TMEM131L: variants seen among roughly 807,000 people sequenced by gnomAD.
TMEM131L encodes the protein transmembrane 131 like, also known as transmembrane protein 131-like.
In TMEM131L, 54 loss-of-function variants were observed where a neutral mutation model predicts 192.2. The observed-to-expected ratio is 0.28, with a 90% CI of 0.23 to 0.35. The LOEUF (loss-of-function observed/expected upper bound fraction) is 0.35, where lower values mean the gene tolerates loss of function less well. Ranked by LOEUF, TMEM131L falls within the 10% of genes least tolerant of loss-of-function variation. TMEM131L has a pLI of 1.00. For synonymous variants in TMEM131L, 701 were observed against 704.9 expected (o/e 0.99, Z 0.09); for missense variants, 1,888 against 1,972.9 (o/e 0.96, Z 0.82).
At chr4:153,504,975 G>T (rs181042998) in intron 3 of TMEM131L, among the ~76,000 whole-genome samples, 110 of 152,272 alleles carry the variant, frequency 7.2e-4, no homozygotes, top group Non-Finnish European at 1.3e-3. Flanking sequence ...GGCTAGGAGC[G>T]AACTGTGGGG....
chr4:153,578,919 A>T (rs113859951), intron 7 of TMEM131L, among the ~76,000 whole-genome samples: 10,377 of 151,890 alleles, frequency 0.068, 1,028 homozygotes, highest in African/African-American at 0.22. Context: ...CGGCCTCCCA[A>T]AGTGCTGGGA....
chr4:153,512,765 C>T (rs748828152), intron 3 of TMEM131L, among the ~76,000 whole-genome samples: 11 of 152,174 alleles, frequency 7.2e-5, no homozygotes, highest in Non-Finnish European at 1.3e-4. Context: ...AGGCTCGAGC[C>T]ACCAAGCTCA....
At chr4:153,506,610 A>AG (rs1288023833) in intron 3 of TMEM131L, among the ~76,000 whole-genome samples, 1 of 152,012 alleles carries the variant, frequency 6.6e-6, no homozygotes, top group South Asian at 2.1e-4. Flanking sequence ...TGAGAGGCCA[A>AG]GGGGGGGACT....
intron 3 of TMEM131L, among the ~76,000 whole-genome samples, chr4:153,534,926 A>G (rs773035475): frequency 3.3e-5 from 5 of 152,152 alleles, no homozygotes; most frequent in Non-Finnish European, 7.4e-5. Flanking sequence ...AGGGGTGTGG[A>G]GTTGGTGAGG....
At position 153,592,566 on chromosome 4, in the gene TMEM131L, T is replaced by C; in HGVS notation, c.1904T>C (p.Val635Ala). 1 of 1,613,302 alleles carries C rather than the reference T, an allele frequency of 6.2e-7. No individual in the cohort carries two copies. Among genetic ancestry groups the C allele is most frequent in the Non-Finnish European group, 8.5e-7 (1 of 1,179,190 alleles). Residue 635 changes from valine to alanine, a missense_variant, in exon 18 of 35, where the codon GTG (valine) becomes GCG (alanine). Coordinates refer to ENST00000409959, the MANE Select transcript of TMEM131L (RefSeq NM_001131007.2). ...LSLYPKPEALVHLLHRWFGTD... is the reference protein window; with the variant it reads ...LSLYPKPEALAHLLHRWFGTD... ...TTGTACCCTAAACCCGAAGCCCTAG[T>C]GCACCTGCTCCACAGATGGTATGAA... is the stretch of plus-strand genomic sequence containing the variant.
At chr4:153,587,482 G>T (rs559601011) in intron 14 of TMEM131L, among the ~76,000 whole-genome samples, 31 of 152,068 alleles carry the variant, frequency 2.0e-4, no homozygotes, top group African/African-American at 7.0e-4. Context: ...AATTCAGATG[G>T]CAGTTTGGTG....
intron 19 of TMEM131L, among the ~76,000 whole-genome samples, chr4:153,595,112 C>T (rs996722782): frequency 2.6e-5 from 4 of 152,082 alleles, no homozygotes; most frequent in African/African-American, 9.7e-5. Flanking sequence ...TAATTTATTA[C>T]ATTGATGAAA....
At chr4:153,575,742 A>G (rs959763030) in intron 7 of TMEM131L, among the ~76,000 whole-genome samples, 1 of 152,146 alleles carries the variant, frequency 6.6e-6, no homozygotes, top group Non-Finnish European at 1.5e-5. Flanking sequence ...CTGATTTGTT[A>G]AAGGAGTATG....
At chr4:153,467,333 C>T (rs1435347079) in intron 2 of TMEM131L, 52 bp downstream of exon 2, 6 of 1,468,684 alleles carry the variant, frequency 4.1e-6, no homozygotes, top group Non-Finnish European at 5.6e-6. Flanking sequence ...GGAGGAGAGG[C>T]GGGGAGGCCC....
chr4:153,576,877 T>A (rs1395161363), intron 7 of TMEM131L, among the ~76,000 whole-genome samples: 1 of 152,182 alleles, frequency 6.6e-6, no homozygotes, highest in Non-Finnish European at 1.5e-5. Context: ...TTCCCTAGCA[T>A]CTGTGGCTGT....
At chr4:153,617,742 A>C (rs1193526283) in intron 26 of TMEM131L, among the ~76,000 whole-genome samples, 1 of 152,238 alleles carries the variant, frequency 6.6e-6, no homozygotes, top group Admixed American at 6.5e-5. Flanking sequence ...GTGCTTATGC[A>C]TCATAAACAC....
intron 20 of TMEM131L, among the ~76,000 whole-genome samples, chr4:153,598,334 G>T (rs965679409): frequency 6.6e-6 from 1 of 151,964 alleles, no homozygotes; most frequent in African/African-American, 2.4e-5. Flanking sequence ...TGGTTGGAAG[G>T]GGGTCATCAT....
At chr4:153,526,449 T>C (rs1425545722) in intron 3 of TMEM131L, among the ~76,000 whole-genome samples, 3 of 152,034 alleles carry the variant, frequency 2.0e-5, no homozygotes, top group African/African-American at 7.2e-5. Flanking sequence ...AAGCTTGCTG[T>C]CTTGGCCGGG....
chr4:153,606,064 C>T (rs1316188192), intron 25 of TMEM131L, among the ~76,000 whole-genome samples: 1 of 152,184 alleles, frequency 6.6e-6, no homozygotes, highest in Non-Finnish European at 1.5e-5. Flanking sequence ...CCTGGTAATG[C>T]AGTTCACCCA....
At chr4:153,548,494 G>A (rs748572549) in intron 3 of TMEM131L, among the ~76,000 whole-genome samples, 20 of 151,986 alleles carry the variant, frequency 1.3e-4, no homozygotes, top group Non-Finnish European at 2.8e-4. Flanking sequence ...TAGTAGAGAC[G>A]GGGTTTCACT....
chr4:153,477,529 A>G (rs1281359726), intron 3 of TMEM131L, among the ~76,000 whole-genome samples: 2 of 152,184 alleles, frequency 1.3e-5, no homozygotes, highest in African/African-American at 4.8e-5. Context: ...CTTTTCACAT[A>G]GCATCAGATT....
rs756547344 is a variant in TMEM131L at position 153,602,132 on chromosome 4, C to G, written c.2267-20C>G. On this transcript the variant is annotated intron_variant, in intron 21 of 34. Transcript: ENST00000409959. Reference sequence around the variant, plus strand: ...TTTATAGTTCACATATACTAAATATCTTTTTTTGGTTCCCATTAGAACTGA... The same window carrying G: ...TTTATAGTTCACATATACTAAATATGTTTTTTTGGTTCCCATTAGAACTGA... The G allele has an allele frequency of 1.0e-5, 14 of 1,406,562 alleles. No homozygotes were observed. The highest frequency in any genetic ancestry group is 2.3e-5 in the Admixed American group (1 of 44,184). The allele number at this position is 1,406,562 out of a possible 1,614,324, so 87.1% of individuals were successfully genotyped here.
chr4:153,567,692 G>A (rs1554034385), intron 7 of TMEM131L, among the ~76,000 whole-genome samples: 1 of 151,942 alleles, frequency 6.6e-6, no homozygotes, highest in Non-Finnish European at 1.5e-5. Context: ...TTACAGGCAC[G>A]CACCACCACA....
At chr4:153,634,427 T>A in intron 33 of TMEM131L, 147 bp downstream of exon 33, 2 of 658,464 alleles carry the variant, frequency 3.0e-6, no homozygotes, top group Non-Finnish European at 5.4e-6. Context: ...TTCATGTGGA[T>A]CCAGTTGTGC....
Sources: gnomAD v4.1 joint callset for allele counts (sites outside exome capture counted in the v4.1 genomes callset) on GRCh38, gnomAD v4.1.1 for gene constraint, MANE v1.5 for transcripts, NCBI Gene and HGNC (gene_info 2026-07-23, HGNC 2026-07-21) for gene names.